GRIA2: variants seen among roughly 807,000 people sequenced by gnomAD.
The protein encoded by GRIA2 is glutamate ionotropic receptor AMPA type subunit 2, also known as glutamate receptor 2.
GRIA2 carries 14 observed loss-of-function variants against 97.3 expected under a neutral mutation model. The ratio of observed to expected loss-of-function variants is 0.14; its 90% confidence interval spans 0.10 to 0.23. The LOEUF (loss-of-function observed/expected upper bound fraction) is 0.23, where lower values mean the gene tolerates loss of function less well. Among genes scored for constraint, GRIA2 ranks in the 10% least tolerant of loss-of-function variants. The pLI is 1.00. For missense variants in GRIA2, 558 were observed against 1,069.8 expected (o/e 0.52, Z 6.67); for synonymous variants, 412 against 387.8 (o/e 1.06, Z -0.73).
intron 3 of GRIA2, among the ~76,000 whole-genome samples, chr4:157,306,818 C>T (rs1259703309): frequency 1.3e-5 from 2 of 152,052 alleles, no homozygotes; most frequent in African/African-American, 4.8e-5. Context: ...ACTGTTTTCC[C>T]CCATTTGGTC....
intron 2 of GRIA2, among the ~76,000 whole-genome samples, chr4:157,241,089 T>C (rs1730489164): frequency 6.6e-6 from 1 of 152,202 alleles, no homozygotes; most frequent in Non-Finnish European, 1.5e-5. Context: ...TGTGCCACAT[T>C]TTCTTAATCC....
At chr4:157,247,924 G>A (rs1730803659) in intron 2 of GRIA2, among the ~76,000 whole-genome samples, 2 of 151,952 alleles carry the variant, frequency 1.3e-5, no homozygotes, top group African/African-American at 2.4e-5. Context: ...CAAGACAGAC[G>A]CCTAATCTTT....
intron 2 of GRIA2, among the ~76,000 whole-genome samples, chr4:157,234,439 T>G (rs1429931733): frequency 1.3e-5 from 2 of 152,096 alleles, no homozygotes; most frequent in African/African-American, 4.8e-5. Context: ...TTTACAAGAA[T>G]TTTGATGTGT....
chr4:157,221,626 G>A lies in GRIA2; in HGVS notation c.89-41G>A, dbSNP rs749803643. On this transcript the variant is annotated intron_variant, in intron 1 of 15. Coordinates refer to ENST00000264426, the MANE Select transcript of GRIA2 (RefSeq NM_001083619.3). ...GCGCGCCCCTCCTTTCCCTCCCGGG[G>A]CACTGACACTGTTCTCTTGCTTGCT... 8.7e-6 allele frequency: 14 copies of A among 1,603,306 alleles called. 1 individual carries two copies. Among genetic ancestry groups the A allele is most frequent in the Middle Eastern group, 1.7e-4 (1 of 6,020 alleles).
chr4:157,278,305 C>G (rs1017888611), intron 2 of GRIA2, among the ~76,000 whole-genome samples: 1 of 151,634 alleles, frequency 6.6e-6, no homozygotes, highest in Non-Finnish European at 1.5e-5. Flanking sequence ...AATAGAGAGC[C>G]CAGCAATAGA....
intron 2 of GRIA2, among the ~76,000 whole-genome samples, chr4:157,253,173 G>A (rs1731089973): frequency 6.6e-6 from 1 of 151,104 alleles, no homozygotes. Flanking sequence ...CTGAAGTGCA[G>A]TGGCATTATC....
rs182984910 is a variant in GRIA2 at position 157,341,209 on chromosome 4, T to G, written c.1845-55T>G. The G allele has an allele frequency of 4.0e-4, 479 of 1,210,390 alleles. 3 individuals carry two copies. In the East Asian group the frequency reaches 7.9e-3, roughly 20 times the overall value. The allele number at this position is 1,210,390 out of a possible 1,614,324, so 75.0% of individuals were successfully genotyped here. A position where few individuals can be genotyped will look rare whatever the true frequency, so the allele number is the denominator to read the frequency against. On this transcript the variant is annotated intron_variant, in intron 11 of 15. Transcript: ENST00000264426. ...TATTTGCATAATACTGCTAACTTGT[T>G]TTTTTATTAGGTCATTCATTTCACT...
At chr4:157,256,543 G>A (rs1731283552) in intron 2 of GRIA2, among the ~76,000 whole-genome samples, 1 of 151,358 alleles carries the variant, frequency 6.6e-6, no homozygotes, top group Non-Finnish European at 1.5e-5. Context: ...CATGATCTTA[G>A]ATAGAAATAA....
intron 5 of GRIA2, among the ~76,000 whole-genome samples, chr4:157,318,355 A>C (rs1018804799): frequency 6.6e-6 from 1 of 152,188 alleles, no homozygotes; most frequent in Admixed American, 6.6e-5. Flanking sequence ...GAAAAAATCT[A>C]GAATATTGAG....
In GRIA2 at chr4:157,342,098, T is replaced by C. The variant is rs927538863; in HGVS notation, c.2043+636T>C. Reference sequence around the variant, plus strand: ...GACCTGATGTTGGCATAATTTTCTTTCTTTCTACTATTGTGTGTATAAAAC... The same window carrying C: ...GACCTGATGTTGGCATAATTTTCTTCCTTTCTACTATTGTGTGTATAAAAC... On this transcript the variant is annotated intron_variant, in intron 12 of 15. Coordinates refer to ENST00000264426, the MANE Select transcript of GRIA2 (RefSeq NM_001083619.3). 2.1e-5 allele frequency: 20 copies of C among 971,868 alleles called. No homozygotes were observed. In the African/African-American group the frequency reaches 3.3e-4, roughly 16 times the overall value. The allele number at this position is 971,868 out of a possible 1,614,324, so 60.2% of individuals were successfully genotyped here.
At chr4:157,307,469 T>C (rs1249515084) in intron 3 of GRIA2, among the ~76,000 whole-genome samples, 2 of 152,198 alleles carry the variant, frequency 1.3e-5, no homozygotes, top group Non-Finnish European at 2.9e-5. Context: ...TTTAGGTTGC[T>C]GGTGTCTTCT....
intron 12 of GRIA2, among the ~76,000 whole-genome samples, chr4:157,358,921 T>G (rs535302271): frequency 3.3e-5 from 5 of 152,238 alleles, no homozygotes; most frequent in African/African-American, 1.2e-4. Context: ...CCCCCAAACC[T>G]CTTAAGTTTT....
chr4:157,247,851 G>A (rs188867204), intron 2 of GRIA2, among the ~76,000 whole-genome samples: 58 of 152,134 alleles, frequency 3.8e-4, no homozygotes, highest in Middle Eastern at 3.4e-3. Context: ...CAGAAGGGGC[G>A]TCACCATGCA....
intron 2 of GRIA2, among the ~76,000 whole-genome samples, chr4:157,248,865 T>A (rs1404928565): frequency 1.4e-5 from 2 of 146,676 alleles, no homozygotes; most frequent in Non-Finnish European, 3.0e-5. Flanking sequence ...TGAGACAGGG[T>A]CACTCTCTGT....
At chr4:157,273,551 A>G (rs535586458) in intron 2 of GRIA2, among the ~76,000 whole-genome samples, 132 of 152,258 alleles carry the variant, frequency 8.7e-4, no homozygotes, top group African/African-American at 3.1e-3. Context: ...AGAATAAAAA[A>G]GAAATACTAG....
intron 2 of GRIA2, among the ~76,000 whole-genome samples, chr4:157,278,082 C>T (rs779768203): frequency 1.3e-5 from 2 of 151,394 alleles, no homozygotes; most frequent in Non-Finnish European, 3.0e-5. Context: ...TCAATCAGAA[C>T]CTCAGCCAGT....
At position 157,363,476 on chromosome 4, in the gene GRIA2, A is replaced by C. The variant is rs1220860834; in HGVS notation, c.*45A>C. ...CCATGAGGAACAAGGCAAGGCTGTC[A>C]ATTACAGGAAGTACTGGAGAAAATG... On this transcript the variant is annotated 3_prime_UTR_variant, in exon 16 of 16. Coordinates refer to ENST00000264426, the MANE Select transcript of GRIA2 (RefSeq NM_001083619.3). 8.1e-7 allele frequency: 1 copy of C among 1,239,896 alleles called. No homozygotes were observed. The highest frequency in any genetic ancestry group is 4.0e-5 in the Admixed American group (1 of 25,152). 76.8% of individuals were successfully genotyped at this position (1,239,896 alleles called of 1,614,324 possible). A position where few individuals can be genotyped will look rare whatever the true frequency, so the allele number is the denominator to read the frequency against.
intron 2 of GRIA2, among the ~76,000 whole-genome samples, chr4:157,282,869 C>T (rs1732670776): frequency 6.6e-6 from 1 of 152,160 alleles, no homozygotes; most frequent in South Asian, 2.1e-4. Flanking sequence ...AAAGAATGCA[C>T]TGATTTCACA....
In GRIA2 at chr4:157,363,699, C is replaced by G; in HGVS notation, c.*268C>G. The G allele has an allele frequency of 1.9e-6, 1 of 540,454 alleles. No homozygotes were observed. The highest frequency in any genetic ancestry group is 3.5e-5 in the East Asian group (1 of 28,608). The allele number at this position is 540,454 out of a possible 1,614,324, so 33.5% of individuals were successfully genotyped here. ...AGTATCTTGAAGACTTTTCTTTCAG[C>G]CAAGAATTCTTAAATATGTGGAGTT... On this transcript the variant is annotated 3_prime_UTR_variant, in exon 16 of 16. Coordinates refer to ENST00000264426, the MANE Select transcript of GRIA2 (RefSeq NM_001083619.3).
Sources: gnomAD v4.1 joint callset for allele counts (sites outside exome capture counted in the v4.1 genomes callset) on GRCh38, gnomAD v4.1.1 for gene constraint, MANE v1.5 for transcripts, NCBI Gene and HGNC (gene_info 2026-07-23, HGNC 2026-07-21) for gene names.